NXPE3: variants seen among roughly 807,000 people sequenced by gnomAD.
The protein encoded by NXPE3 is NXPE family member 3.
A neutral mutation model predicts 46.1 loss-of-function variants in NXPE3; 26 were observed. That is an observed-to-expected ratio of 0.56 (90% confidence interval 0.41 to 0.78). The LOEUF (loss-of-function observed/expected upper bound fraction) is 0.78, where lower values mean the gene tolerates loss of function less well. Ranked by LOEUF, NXPE3 falls within the 30% of genes least tolerant of loss-of-function variation. NXPE3 has a pLI of 0.00. For missense variants in NXPE3, 620 were observed against 686.0 expected, an observed-to-expected ratio of 0.90 and a Z score of 1.07; for synonymous variants, 272 against 257.9, an observed-to-expected ratio of 1.05 and a Z score of -0.52.
chr3:101,817,092 G>A, intron 7 of NXPE3, 91 bp downstream of exon 7: 1 of 1,101,518 alleles, frequency 9.1e-7, no homozygotes, highest in Non-Finnish European at 1.4e-6. Flanking sequence ...AGGTTATCAG[G>A]TGAGGAAACA....
chr3:101,810,504 TG>T, intron 6 of NXPE3, among the ~76,000 whole-genome samples: 1 of 152,324 alleles, frequency 6.6e-6, no homozygotes, highest in Middle Eastern at 3.4e-3. Context: ...ATAATTCCTA[TG>T]ATTTGATTAT....
chr3:101,788,815 C>T (rs945119909), intron 4 of NXPE3, among the ~76,000 whole-genome samples: 13 of 152,080 alleles, frequency 8.5e-5, no homozygotes, highest in African/African-American at 2.9e-4. Context: ...GGGGTTTTGC[C>T]ATGTTGGCCA....
At chr3:101,803,991 A>G (rs192280816) in intron 5 of NXPE3, among the ~76,000 whole-genome samples, 28 of 152,330 alleles carry the variant, frequency 1.8e-4, no homozygotes, top group African/African-American at 6.5e-4. Context: ...GGTAGATGTG[A>G]TATTTTGATA....
intron 4 of NXPE3, among the ~76,000 whole-genome samples, chr3:101,797,354 T>G (rs148998422): frequency 6.6e-6 from 1 of 152,312 alleles, no homozygotes; most frequent in African/African-American, 2.4e-5. Flanking sequence ...ACAGCTTGGC[T>G]TCTAATCCTC....
In NXPE3 at chr3:101,791,318, A is replaced by C. The variant is rs1940507122; in HGVS notation, c.93+5629A>C. 2.0e-5 allele frequency among the ~76,000 whole-genome samples: 3 copies of C among 152,196 alleles called. No individual in the cohort carries two copies. The South Asian group carries it at 6.2e-4, about 31-fold the overall frequency. ...GCATAGTATTCCATGCTGTATATGT[A>C]ATATAAGATTTTCTTGCATTTTCTT... On this transcript the variant is annotated intron_variant, in intron 4 of 7. Coordinates refer to ENST00000273347, the MANE Select transcript of NXPE3 (RefSeq NM_145037.4).
intron 5 of NXPE3, among the ~76,000 whole-genome samples, chr3:101,802,794 T>C (rs1202577214): frequency 1.3e-5 from 2 of 152,004 alleles, no homozygotes; most frequent in African/African-American, 4.8e-5. Context: ...GAAAGGAATA[T>C]GGAACCAGTA....
chr3:101,787,429 T>C (rs1458143452), intron 4 of NXPE3, among the ~76,000 whole-genome samples: 4 of 152,066 alleles, frequency 2.6e-5, no homozygotes, highest in African/African-American at 7.2e-5. Flanking sequence ...GCCTCAGCCT[T>C]CTGAGTAGCT....
chr3:101,825,985 C>T lies in NXPE3; in HGVS notation c.*4031C>T, dbSNP rs1364465335. ...TTTCTTCAGCGAATGCAAAACAGAC[C>T]TTTGGTGTTCCAGTATGATTCATTT... On this transcript the variant is annotated 3_prime_UTR_variant, in exon 8 of 8. Coordinates refer to ENST00000273347, the MANE Select transcript of NXPE3 (RefSeq NM_145037.4). 1 of 152,084 alleles carries T rather than the reference C, an allele frequency of 6.6e-6. No homozygotes were observed. Among genetic ancestry groups the T allele is most frequent in the Non-Finnish European group, 1.5e-5 (1 of 68,016 alleles). 9.4% of individuals were successfully genotyped at this position (152,084 alleles called of 1,614,324 possible). A position where few individuals can be genotyped will look rare whatever the true frequency, so the allele number is the denominator to read the frequency against.
chr3:101,789,620 T>C (rs1447030272), intron 4 of NXPE3, among the ~76,000 whole-genome samples: 1 of 152,244 alleles, frequency 6.6e-6, no homozygotes, highest in Non-Finnish European at 1.5e-5. Flanking sequence ...CATTTAGATA[T>C]TGTTCTCATT....
intron 3 of NXPE3, among the ~76,000 whole-genome samples, chr3:101,784,873 G>A (rs961651124): frequency 2.0e-5 from 3 of 152,172 alleles, no homozygotes; most frequent in Non-Finnish European, 4.4e-5. Flanking sequence ...GGGAGAGCTG[G>A]AAACCTAAAG....
intron 4 of NXPE3, among the ~76,000 whole-genome samples, chr3:101,795,953 A>G (rs1940809117): frequency 6.6e-6 from 1 of 152,230 alleles, no homozygotes; most frequent in Admixed American, 6.5e-5. Context: ...CACCTGAAGA[A>G]ACAGTTGTTC....
chr3:101,786,386 A>G (rs1052687987), intron 4 of NXPE3, among the ~76,000 whole-genome samples: 11 of 152,198 alleles, frequency 7.2e-5, no homozygotes, highest in Admixed American at 2.0e-4. Context: ...TTATTAGCCT[A>G]AGGTGCTCTA....
intron 6 of NXPE3, among the ~76,000 whole-genome samples, chr3:101,808,047 G>A (rs1941507151): frequency 1.3e-5 from 2 of 152,184 alleles, no homozygotes; most frequent in Admixed American, 6.5e-5. Context: ...AGTGGCATCA[G>A]CATTACCAGG....
intron 4 of NXPE3, among the ~76,000 whole-genome samples, chr3:101,797,811 A>C: frequency 3.0e-5 from 1 of 32,800 alleles, no homozygotes; most frequent in South Asian, 9.4e-4. Context: ...CATTTTCTTA[A>C]TCCAGTCTAT....
chr3:101,818,271 G>GT (rs778706086), intron 7 of NXPE3, among the ~76,000 whole-genome samples: 79 of 152,226 alleles, frequency 5.2e-4, no homozygotes, highest in Admixed American at 3.8e-3. Context: ...TGTTTTGCTT[G>GT]TTTTTTAAAT....
At chr3:101,788,856 T>C (rs1182405035) in intron 4 of NXPE3, among the ~76,000 whole-genome samples, 1 of 152,178 alleles carries the variant, frequency 6.6e-6, no homozygotes, top group African/African-American at 2.4e-5. Flanking sequence ...CCTCAGGCGA[T>C]CCACCCACCT....
At chr3:101,785,799 T>C (rs190463410) in intron 4 of NXPE3, 110 bp downstream of exon 4, 2 of 815,296 alleles carry the variant, frequency 2.5e-6, no homozygotes, top group Non-Finnish European at 2.1e-6. Flanking sequence ...GTCACAGTTC[T>C]TGTTTTCATT....
intron 5 of NXPE3, 52 bp downstream of exon 5, chr3:101,802,041 C>A: frequency 2.0e-6 from 3 of 1,510,582 alleles, no homozygotes; most frequent in South Asian, 2.6e-5. Context: ...TTCCACTGTC[C>A]TTGTCCCATT....
chr3:101,811,468 T>C (rs1291452697), intron 6 of NXPE3, among the ~76,000 whole-genome samples: 1 of 152,234 alleles, frequency 6.6e-6, no homozygotes, highest in East Asian at 1.9e-4. Flanking sequence ...ACCCATTTTA[T>C]AGATGATGTG....
Sources: gnomAD v4.1 joint callset for allele counts (sites outside exome capture counted in the v4.1 genomes callset) on GRCh38, gnomAD v4.1.1 for gene constraint, MANE v1.5 for transcripts, NCBI Gene and HGNC (gene_info 2026-07-23, HGNC 2026-07-21) for gene names.